Variants in TNKS observed in about 807,000 individuals in gnomAD.
TNKS encodes the protein tankyrase.
Under a neutral mutation model 135.8 loss-of-function variants are expected in TNKS, and 72 were observed. The observed-to-expected ratio is 0.53, with a 90% CI of 0.44 to 0.64. TNKS has a LOEUF of 0.64. TNKS is among the 30% of genes least tolerant of loss of function. TNKS has a pLI of 0.00. For synonymous variants in TNKS, 849 were observed against 649.3 expected (o/e 1.31, Z -4.68); for missense variants, 1,769 against 1,674.0 (o/e 1.06, Z -0.99).
chr8:9,766,484 T>TTA, intron 25 of TNKS, 59 bp downstream of exon 25: 1 of 185,866 alleles, frequency 5.4e-6, no homozygotes, highest in Non-Finnish European at 7.8e-6. Context: ...CCAAATTGTC[T>TTA]TTTTTTTTTT....
chr8:9,666,592 C>T (rs182832877), intron 3 of TNKS, among the ~76,000 whole-genome samples: 19 of 151,964 alleles, frequency 1.3e-4, no homozygotes, highest in African/African-American at 4.1e-4. Flanking sequence ...TGGTGGCTCA[C>T]GCCTGTAGTC....
At chr8:9,618,086 A>T (rs1163035917) in intron 3 of TNKS, among the ~76,000 whole-genome samples, 2 of 150,186 alleles carry the variant, frequency 1.3e-5, no homozygotes. Context: ...TCCCGGGTTC[A>T]AGCGATTCTT....
chr8:9,639,128 T>C (rs1800629015), intron 3 of TNKS, among the ~76,000 whole-genome samples: 1 of 152,196 alleles, frequency 6.6e-6, no homozygotes, highest in Admixed American at 6.5e-5. Flanking sequence ...TTTGCTATTG[T>C]CCAGTAGTGT....
At chr8:9,576,787 A>G (rs1453848654) in intron 1 of TNKS, among the ~76,000 whole-genome samples, 2 of 152,104 alleles carry the variant, frequency 1.3e-5, no homozygotes, top group African/African-American at 2.4e-5. Flanking sequence ...TCAACCTTCC[A>G]CTAATATAGA....
Position 9,556,628 on chromosome 8 carries a change from A to G in TNKS, c.673+16A>G, listed in dbSNP as rs371824830. ...TTCGCTGCAGGTCAGAGACTTTTGAATTGTTTATTAAGGGTTATGGGTTTG... is the reference window on the plus strand; with the variant it reads ...TTCGCTGCAGGTCAGAGACTTTTGAGTTGTTTATTAAGGGTTATGGGTTTG... On this transcript the variant is annotated intron_variant, in intron 1 of 26. Coordinates refer to ENST00000310430, the MANE Select transcript of TNKS (RefSeq NM_003747.3). 3 of 1,612,406 alleles carry G rather than the reference A, an allele frequency of 1.9e-6. No homozygotes were observed. Among genetic ancestry groups the G allele is most frequent in the Non-Finnish European group, 2.5e-6 (3 of 1,180,008 alleles).
intron 3 of TNKS, among the ~76,000 whole-genome samples, chr8:9,665,411 C>T (rs1041097229): frequency 2.0e-5 from 3 of 152,198 alleles, no homozygotes; most frequent in Non-Finnish European, 2.9e-5. Flanking sequence ...ATTCTGAAAA[C>T]CAGATTTACT....
At chr8:9,636,098 G>A (rs1800501283) in intron 3 of TNKS, among the ~76,000 whole-genome samples, 1 of 152,172 alleles carries the variant, frequency 6.6e-6, no homozygotes, top group African/African-American at 2.4e-5. Flanking sequence ...ATGTATCGAT[G>A]TATTGCAGCC....
intron 5 of TNKS, among the ~76,000 whole-genome samples, chr8:9,701,144 A>C (rs1803783251): frequency 6.6e-6 from 1 of 152,000 alleles, no homozygotes; most frequent in South Asian, 2.1e-4. Flanking sequence ...TCATCGTGTT[A>C]GCCAGGATGG....
At position 9,584,164 on chromosome 8, in the gene TNKS, T is replaced by TA. The variant is rs34977301; in HGVS notation, c.898+3805dup. ...GGGTGACAGAGCAAGACTCTGTCTT[T>TA]AAAAAAAAAAAAAAAAAAAAAAAAT... On this transcript the variant is annotated intron_variant, in intron 2 of 26. Coordinates refer to ENST00000310430, the MANE Select transcript of TNKS (RefSeq NM_003747.3). Among the ~76,000 whole-genome samples the TA allele has an allele frequency of 4.4e-3, 501 of 114,440 alleles. 3 individuals are homozygous for TA. Among genetic ancestry groups the TA allele is most frequent in the African/African-American group, 9.6e-3 (290 of 30,074 alleles). The allele number at this position is 114,440 out of a possible 152,430, so 75.1% of individuals were successfully genotyped here.
intron 1 of TNKS, among the ~76,000 whole-genome samples, chr8:9,576,526 A>C (rs1289279166): frequency 1.4e-5 from 2 of 143,220 alleles, no homozygotes; most frequent in African/African-American, 5.2e-5. Context: ...GCTGGAGTGC[A>C]GTGGGGCGAT....
chr8:9,657,162 G>A (rs1247963853), intron 3 of TNKS, among the ~76,000 whole-genome samples: 7 of 137,662 alleles, frequency 5.1e-5, no homozygotes, highest in East Asian at 4.6e-4. Context: ...GGTGGTGGCC[G>A]GGCAGAGGGG....
intron 17 of TNKS, among the ~76,000 whole-genome samples, chr8:9,746,477 T>C (rs1188796226): frequency 6.6e-6 from 1 of 152,170 alleles, no homozygotes; most frequent in Non-Finnish European, 1.5e-5. Flanking sequence ...TCCTTTATAG[T>C]TCTTCTCCAG....
Position 9,752,572 on chromosome 8 carries a change from A to G in TNKS, c.3099A>G (p.Gln1033=), listed in dbSNP as rs766367498. 9.9e-6 allele frequency: 16 copies of G among 1,613,268 alleles called. No individual in the cohort carries two copies. The highest frequency in any genetic ancestry group is 4.5e-5 in the East Asian group (2 of 44,840). ...CTGGTCTTGACATGAATATCAGCCA[A>G]TTTCTAAAAAGCCTTGGCCTTGAAC... is the stretch of plus-strand genomic sequence containing the variant. The part of the protein sequence containing the change: ...EVAGLDMNIS[Q]FLKSLGLEHL... Residue 1033 remains glutamine, a synonymous_variant, in exon 20 of 27, where the codon CAA becomes CAG. Transcript: ENST00000310430.
chr8:9,609,460 A>G (rs748350391), intron 2 of TNKS, among the ~76,000 whole-genome samples: 2 of 152,190 alleles, frequency 1.3e-5, no homozygotes, highest in Non-Finnish European at 1.5e-5. Flanking sequence ...TGTGGGGAAC[A>G]GTCTCGTAAT....
chr8:9,686,868 TA>T (rs5889297), intron 5 of TNKS, among the ~76,000 whole-genome samples: 99,016 of 151,836 alleles, frequency 0.65, 32,543 homozygotes, highest in Middle Eastern at 0.75. Flanking sequence ...TTTTTTAGCC[TA>T]AAAAAAATGA....
In TNKS at chr8:9,762,122, A is replaced by G. The variant is rs75842136; in HGVS notation, c.3274+486A>G. On this transcript the variant is annotated intron_variant, in intron 21 of 26. Transcript: ENST00000310430. ...TTGCTAACATGGTTTTTTACAATCT[A>G]ACCTTTCTTAACTTGAACTTTCCTC... is the stretch of plus-strand genomic sequence containing the variant. Among the ~76,000 whole-genome samples, 14 of 152,330 alleles carry G rather than the reference A, an allele frequency of 9.2e-5. No individual in the cohort carries two copies. In the East Asian group the frequency reaches 2.5e-3, roughly 27 times the overall value.
rs1012799851 is a variant in TNKS at position 9,580,085 on chromosome 8, T to C, written c.674-74T>C. Reference sequence around the variant, plus strand: ...CTTCAGTTGTTCATACTTGTTGATATTGTTACAGATATTCTAATGGTTCTT... The same window carrying C: ...CTTCAGTTGTTCATACTTGTTGATACTGTTACAGATATTCTAATGGTTCTT... On this transcript the variant is annotated intron_variant, in intron 1 of 26. Coordinates refer to ENST00000310430, the MANE Select transcript of TNKS (RefSeq NM_003747.3). 1.3e-5 allele frequency: 17 copies of C among 1,270,696 alleles called. No homozygotes were observed. In the African/African-American group the frequency reaches 1.9e-4, roughly 14 times the overall value. The allele number at this position is 1,270,696 out of a possible 1,614,324, so 78.7% of individuals were successfully genotyped here.
At position 9,777,083 on chromosome 8, in the gene TNKS, C is replaced by T. The variant is rs145188514; in HGVS notation, c.*347C>T. 5 of 250,918 alleles carry T rather than the reference C, an allele frequency of 2.0e-5. No homozygotes were observed. In the East Asian group the frequency reaches 4.2e-4, roughly 21 times the overall value. 15.5% of individuals were successfully genotyped at this position (250,918 alleles called of 1,614,324 possible). ...TCAAATGTTCACAATTCACACACTA[C>T]ATTTGTTTTGTTATGCATGACGTGT... On this transcript the variant is annotated 3_prime_UTR_variant, in exon 27 of 27. Coordinates refer to ENST00000310430, the MANE Select transcript of TNKS (RefSeq NM_003747.3).
rs190150253 is a variant in TNKS at position 9,562,998 on chromosome 8, T to C, written c.673+6386T>C. ...CAGAAAAGTTTCTCAAATTATACTT[T>C]TTATTATTCGTTCTTTTCTTTTTAT... On this transcript the variant is annotated intron_variant, in intron 1 of 26. Transcript: ENST00000310430. 9.4e-4 allele frequency among the ~76,000 whole-genome samples: 143 copies of C among 152,224 alleles called. 1 individual carries two copies. Among genetic ancestry groups the C allele is most frequent in the African/African-American group, 3.4e-3 (140 of 41,566 alleles).
Sources: gnomAD v4.1 joint callset for allele counts (sites outside exome capture counted in the v4.1 genomes callset) on GRCh38, gnomAD v4.1.1 for gene constraint, MANE v1.5 for transcripts, NCBI Gene and HGNC (gene_info 2026-07-23, HGNC 2026-07-21) for gene names.